Variants in ZEB2 observed in about 807,000 individuals in gnomAD.
ZEB2 encodes the protein zinc finger E-box binding homeobox 2.
ZEB2 carries 6 observed loss-of-function variants against 99.9 expected under a neutral mutation model. That is an observed-to-expected ratio of 0.06 (90% CI 0.03 to 0.12). ZEB2 has a LOEUF of 0.12. Among genes scored for constraint, ZEB2 ranks in the 10% least tolerant of loss-of-function variants. The pLI is 1.00. For synonymous variants in ZEB2, 517 were observed against 542.5 expected (o/e 0.95, Z 0.65); for missense variants, 969 against 1,502.8 (o/e 0.64, Z 5.87).
chr2:144,440,493 A>G (rs1372244901), intron 2 of ZEB2, among the ~76,000 whole-genome samples: 4 of 19,254 alleles, frequency 2.1e-4, no homozygotes, highest in Non-Finnish European at 4.7e-4. Context: ...CAGTATATAT[A>G]TATATATATA....
chr2:144,447,719 G>C lies in ZEB2; in HGVS notation c.74-17693C>G, dbSNP rs547820019. Among the ~76,000 whole-genome samples, 4 of 152,290 alleles carry C rather than the reference G, an allele frequency of 2.6e-5. No homozygotes were observed. The East Asian group carries it at 7.7e-4, about 29-fold the overall frequency. On this transcript the variant is annotated intron_variant, in intron 2 of 9. Transcript: ENST00000627532. ...TAGCTGAGTAAGGGACTGCAGCTTC[G>C]CATGCCCTTCTGACGGGCCCATCTA... is the stretch of plus-strand genomic sequence containing the variant.
At chr2:144,456,109 G>T (rs188772635) in intron 2 of ZEB2, among the ~76,000 whole-genome samples, 22 of 148,918 alleles carry the variant, frequency 1.5e-4, no homozygotes, top group Admixed American at 1.5e-3. Context: ...TCCCAAGTTT[G>T]TTCCATTGTT....
intron 4 of ZEB2, among the ~76,000 whole-genome samples, chr2:144,416,793 T>C (rs569179472): frequency 1.3e-5 from 2 of 152,166 alleles, no homozygotes; most frequent in African/African-American, 4.8e-5. Flanking sequence ...TTGAAGAAAG[T>C]CTTCCCTGAA....
chr2:144,422,208 A>G (rs991083049), intron 4 of ZEB2, among the ~76,000 whole-genome samples: 7 of 152,130 alleles, frequency 4.6e-5, no homozygotes, highest in African/African-American at 1.7e-4. Context: ...GCATAACATG[A>G]CCCAGACTCT....
At chr2:144,411,119 TATATACAC>T (rs1213134619) in intron 4 of ZEB2, among the ~76,000 whole-genome samples, 5 of 44,596 alleles carry the variant, frequency 1.1e-4, no homozygotes, top group East Asian at 1.2e-3. Flanking sequence ...GGGCATCTCA[TATATACAC>T]ACACACACAC....
intron 2 of ZEB2, among the ~76,000 whole-genome samples, chr2:144,477,363 CT>C (rs1423737752): frequency 6.6e-6 from 1 of 152,220 alleles, no homozygotes; most frequent in Non-Finnish European, 1.5e-5. Flanking sequence ...CAAGTTTAGT[CT>C]ACTTGAGTGT....
At chr2:144,432,011 A>AG in intron 2 of ZEB2, among the ~76,000 whole-genome samples, 1 of 152,142 alleles carries the variant, frequency 6.6e-6, no homozygotes, top group East Asian at 1.9e-4. Flanking sequence ...AAAAAAAAAA[A>AG]AAAAACCCAT....
At position 144,401,075 on chromosome 2, in the gene ZEB2, T is replaced by C; in HGVS notation, c.916+124A>G. The C allele has an allele frequency of 3.5e-6, 3 of 851,178 alleles. No homozygotes were observed. In the South Asian group the frequency reaches 4.2e-5, roughly 12 times the overall value. The allele number at this position is 851,178 out of a possible 1,614,324, so 52.7% of individuals were successfully genotyped here. On this transcript the variant is annotated intron_variant, in intron 7 of 9. Transcript: ENST00000627532. Reference sequence around the variant, plus strand: ...ATGAACACAAATCAGGCACACAGAGTTGATGAAATAAATAGATAGTTCCAA... The same window carrying C: ...ATGAACACAAATCAGGCACACAGAGCTGATGAAATAAATAGATAGTTCCAA...
At chr2:144,514,826 T>A (rs890734302) in intron 2 of ZEB2, among the ~76,000 whole-genome samples, 1 of 152,230 alleles carries the variant, frequency 6.6e-6, no homozygotes, top group Admixed American at 6.5e-5. Flanking sequence ...CTGGGCTAAA[T>A]GCCTTAAAAT....
intron 2 of ZEB2, 146 bp downstream of exon 2, chr2:144,517,132 G>C (rs1705165354): frequency 1.2e-6 from 1 of 832,880 alleles, no homozygotes; most frequent in Non-Finnish European, 1.6e-6. Context: ...GCCGGGCTCC[G>C]GCGCCGGCCG....
chr2:144,510,969 T>C (rs1705026899), intron 2 of ZEB2, among the ~76,000 whole-genome samples: 1 of 152,198 alleles, frequency 6.6e-6, no homozygotes, highest in African/African-American at 2.4e-5. Context: ...CAGCTAACGG[T>C]GCAGCTACTG....
chr2:144,505,620 G>A (rs185979468), intron 2 of ZEB2, among the ~76,000 whole-genome samples: 1 of 152,296 alleles, frequency 6.6e-6, no homozygotes, highest in Non-Finnish European at 1.5e-5. Flanking sequence ...GGCTGGGAGT[G>A]GGGGGTGTGG....
chr2:144,487,609 T>C (rs1339883986), intron 2 of ZEB2, among the ~76,000 whole-genome samples: 1 of 152,182 alleles, frequency 6.6e-6, no homozygotes, highest in Non-Finnish European at 1.5e-5. Flanking sequence ...TAGAAAGCAA[T>C]GAATTTGTTA....
intron 2 of ZEB2, chr2:144,512,541 A>G: frequency 2.3e-6 from 3 of 1,287,216 alleles, no homozygotes; most frequent in Non-Finnish European, 3.0e-6. Flanking sequence ...TGAGCAGGGA[A>G]CTTTAATCTT....
Position 144,478,975 on chromosome 2 carries a change from T to C in ZEB2, c.73+38303A>G, listed in dbSNP as rs763041978. Among the ~76,000 whole-genome samples, 39 of 152,202 alleles carry C rather than the reference T, an allele frequency of 2.6e-4. 1 individual carries two copies. Among genetic ancestry groups the C allele is most frequent in the Non-Finnish European group, 5.3e-4 (36 of 68,034 alleles). ...ACTTTGCTACAGTAACGTATAAAAA[T>C]GTTTATCATTACCTTTGAATAACTT... On this transcript the variant is annotated intron_variant, in intron 2 of 9. Coordinates refer to ENST00000627532, the MANE Select transcript of ZEB2 (RefSeq NM_014795.4).
At chr2:144,484,203 G>GTGTGTGTGTGTGTGTGTGTGTA (rs1008432723) in intron 2 of ZEB2, among the ~76,000 whole-genome samples, 3 of 151,944 alleles carry the variant, frequency 2.0e-5, no homozygotes, top group Non-Finnish European at 4.4e-5. Context: ...GTGTGTGTGT[G>GTGTGTGTGTGTGTGTGTGTGTA]TGTGTGTGTG....
intron 2 of ZEB2, among the ~76,000 whole-genome samples, chr2:144,477,047 T>A (rs2149911972): frequency 6.6e-6 from 1 of 152,334 alleles, no homozygotes; most frequent in South Asian, 2.1e-4. Context: ...GGTAGATGTA[T>A]GAAACCTGTT....
rs1470387877 is a variant in ZEB2 at position 144,398,509 on chromosome 2, G to A, written c.2678C>T (p.Pro893Leu). Residue 893 changes from proline (P) to leucine (L), a missense_variant, in exon 8 of 10, where the codon CCT becomes CTT. Physicochemically the swap from Pro to Leu is moderately conservative, Grantham distance 98. Coordinates refer to ENST00000627532, the MANE Select transcript of ZEB2 (RefSeq NM_014795.4). ...VFSMNPFSAKPLYTALPPQSA... is the reference protein window; with the variant it reads ...VFSMNPFSAKLLYTALPPQSA... ...TTGAGGTGGAAGAGCTGTGTATAAA[G>A]GTTTGGCACTAAATGGGTTCATGCT... 6.2e-7 allele frequency: 1 copy of A among 1,614,072 alleles called. No individual in the cohort carries two copies. The highest frequency in any genetic ancestry group is 8.5e-7 in the Non-Finnish European group (1 of 1,179,994).
At position 144,396,501 on chromosome 2, in the gene ZEB2, T is replaced by C. The variant is rs200287036; in HGVS notation, c.2978A>G (p.Lys993Arg). 2 of 1,614,176 alleles carry C rather than the reference T, an allele frequency of 1.2e-6. No individual in the cohort carries two copies. The highest frequency in any genetic ancestry group is 4.5e-5 in the East Asian group (2 of 44,876). The part of the protein sequence containing the change: ...DSCLSRKKIK[K>R]TESGMYACDL... ...ACATGCATACATGCCACTCTCTGTC[T>C]TCTTGATCTTTTTGCGAGACAGACA... Residue 993 changes from lysine to arginine, a missense_variant, in exon 9 of 10, where the codon AAG (lysine) becomes AGG (arginine). Physicochemically the swap from Lys to Arg is conservative, Grantham distance 26. This residue lies in a region of ZEB2 where 346 missense variants were observed against 460.0 expected (regional missense o/e 0.75). Coordinates refer to ENST00000627532, the MANE Select transcript of ZEB2 (RefSeq NM_014795.4).
Sources: allele counts gnomAD v4.1 joint callset (sites outside exome capture counted in the v4.1 genomes callset), GRCh38; gene constraint gnomAD v4.1.1; regional missense constraint gnomAD v4.1.1; transcripts MANE v1.5; gene names NCBI Gene and HGNC (gene_info 2026-07-23, HGNC 2026-07-21).